DAB1: variants seen among roughly 807,000 people sequenced by gnomAD.
DAB1 encodes DAB adaptor protein 1.
DAB1 carries 15 observed loss-of-function variants against 64.6 expected under a neutral mutation model. The observed-to-expected ratio is 0.23, with a 90% CI of 0.16 to 0.36. DAB1 has a LOEUF of 0.36. Among genes scored for constraint, DAB1 ranks in the 10% least tolerant of loss-of-function variants. The pLI is 1.00. For synonymous variants in DAB1, 235 were observed against 251.9 expected (o/e 0.93, Z 0.64); for missense variants, 596 against 706.7 (o/e 0.84, Z 1.78).
At chr1:57,345,341 C>T (rs1038662031) in intron 1 of DAB1, among the ~76,000 whole-genome samples, 4 of 152,252 alleles carry the variant, frequency 2.6e-5, no homozygotes, top group East Asian at 1.9e-4. Context: ...CATATTTGAT[C>T]CTGAAACTTC....
At chr1:58,447,783 A>T (rs1371563191) in intron 3 of DAB1, among the ~76,000 whole-genome samples, 5 of 151,986 alleles carry the variant, frequency 3.3e-5, no homozygotes, top group Admixed American at 1.3e-4. Flanking sequence ...ACATGGTAAG[A>T]TAGGTATTCT....
intron 4 of DAB1, among the ~76,000 whole-genome samples, chr1:58,320,926 C>G (rs946319525): frequency 3.9e-5 from 6 of 152,188 alleles, no homozygotes; most frequent in African/African-American, 1.2e-4. Context: ...CTCCTCCTCC[C>G]TCTCTCCTGG....
chr1:57,559,577 C>T (rs943329351), intron 7 of DAB1, among the ~76,000 whole-genome samples: 8 of 152,154 alleles, frequency 5.3e-5, no homozygotes, highest in Non-Finnish European at 1.2e-4. Context: ...CATTGTGACC[C>T]TCCAGTTAAA....
Position 58,485,961 on chromosome 1 carries a change from T to C in DAB1, n.257+20099A>G, listed in dbSNP as rs1448049889. Among the ~76,000 whole-genome samples the C allele has an allele frequency of 2.0e-5, 3 of 152,324 alleles. No individual in the cohort carries two copies. The South Asian group carries it at 6.2e-4, about 32-fold the overall frequency. On this transcript the variant is annotated intron_variant and non_coding_transcript_variant, in intron 3 of 20. Coordinates refer to the DAB1 transcript ENST00000485760. ...TATTTTAATAGCAAGAATATATGGT[T>C]CTGAGAATCCTGAGGAAGATTTGAA... is the stretch of plus-strand genomic sequence containing the variant.
At chr1:57,159,639 C>G (rs1660550318) in intron 2 of DAB1, among the ~76,000 whole-genome samples, 1 of 151,778 alleles carries the variant, frequency 6.6e-6, no homozygotes, top group Admixed American at 6.6e-5. Flanking sequence ...ACAGAGTTTC[C>G]AACGCCACCC....
At chr1:58,221,770 C>A (rs889813133) in intron 4 of DAB1, among the ~76,000 whole-genome samples, 2 of 152,192 alleles carry the variant, frequency 1.3e-5, no homozygotes, top group African/African-American at 2.4e-5. Context: ...CAGCTCTGTG[C>A]CAATGATGGC....
intron 3 of DAB1, among the ~76,000 whole-genome samples, chr1:58,406,709 T>TCC (rs747746927): frequency 1.4e-5 from 1 of 72,910 alleles, no homozygotes; most frequent in East Asian, 2.9e-4. Context: ...GATAATATCA[T>TCC]CCCCCCCCCC....
intron 5 of DAB1, among the ~76,000 whole-genome samples, chr1:58,027,139 A>G (rs1357707518): frequency 6.6e-6 from 1 of 152,260 alleles, no homozygotes; most frequent in Admixed American, 6.5e-5. Flanking sequence ...GTTGCCAAAG[A>G]CCATGATGTC....
chr1:57,014,864 T>G lies in DAB1; in HGVS notation c.1444+19A>C, dbSNP rs1054912573. 6.5e-7 allele frequency: 1 copy of G among 1,530,116 alleles called. No individual in the cohort carries two copies. The highest frequency in any genetic ancestry group is 8.8e-7 in the Non-Finnish European group (1 of 1,137,574). The allele number at this position is 1,530,116 out of a possible 1,614,324, so 94.8% of individuals were successfully genotyped here. On this transcript the variant is annotated intron_variant, in intron 12 of 14. Transcript: ENST00000371236. ...TACGGCTCTCATTGGGTTTTATGTC[T>G]TAAGTGAGGGGCACTCACGTGAGTT...
chr1:57,262,986 C>T (rs1012870336), intron 2 of DAB1, among the ~76,000 whole-genome samples: 15 of 152,290 alleles, frequency 9.8e-5, no homozygotes, highest in African/African-American at 3.4e-4. Context: ...GTATAAGGGG[C>T]TATCTTCCCT....
intron 3 of DAB1, among the ~76,000 whole-genome samples, chr1:58,472,989 A>G (rs1010229943): frequency 6.6e-6 from 1 of 152,166 alleles, no homozygotes; most frequent in African/African-American, 2.4e-5. Flanking sequence ...AGGGTGTTCT[A>G]TGGGCAGGTG....
chr1:57,736,177 A>G (rs1647683647), intron 6 of DAB1, among the ~76,000 whole-genome samples: 1 of 152,226 alleles, frequency 6.6e-6, no homozygotes, highest in South Asian at 2.1e-4. Flanking sequence ...GAAAGGAACC[A>G]CATAGAACTG....
chr1:57,785,127 C>T (rs1006007272), intron 6 of DAB1, among the ~76,000 whole-genome samples: 3 of 152,124 alleles, frequency 2.0e-5, no homozygotes, highest in African/African-American at 4.8e-5. Flanking sequence ...GCCTGGATGA[C>T]AGTACATCTG....
rs186687500 is a variant in DAB1, at chr1:57,085,097, C to A, written c.307-12683G>T. 4.9e-4 allele frequency among the ~76,000 whole-genome samples: 75 copies of A among 152,312 alleles called. No individual in the cohort carries two copies. In the South Asian group the frequency reaches 8.5e-3, roughly 17 times the overall value. The stretch of plus-strand genomic sequence containing the variant: ...CAAAATTGATGCAGATTAATAAATT[C>A]TTACCCTCAGTTCTACCATTTGCCT... On this transcript the variant is annotated intron_variant, in intron 4 of 14. Coordinates refer to ENST00000371236, the MANE Select transcript of DAB1 (RefSeq NM_001365792.1).
intron 7 of DAB1, among the ~76,000 whole-genome samples, chr1:57,496,962 C>T (rs528206031): frequency 2.8e-4 from 42 of 152,336 alleles, no homozygotes; most frequent in Non-Finnish European, 4.7e-4. Flanking sequence ...TCTACTGGCA[C>T]GACTTTCCTG....
At chr1:57,856,414 T>C (rs951345509) in intron 1 of DAB1, among the ~76,000 whole-genome samples, 1 of 152,186 alleles carries the variant, frequency 6.6e-6, no homozygotes, top group Non-Finnish European at 1.5e-5. Context: ...ATTTCTAGCA[T>C]CTAGCACTTG....
intron 6 of DAB1, among the ~76,000 whole-genome samples, chr1:57,757,504 C>T (rs1648873011): frequency 6.6e-6 from 1 of 152,048 alleles, no homozygotes. Context: ...TTGGGCATTT[C>T]TTGGCTGATA....
chr1:57,082,740 A>G (rs552351963), intron 4 of DAB1, among the ~76,000 whole-genome samples: 32 of 152,036 alleles, frequency 2.1e-4, no homozygotes, highest in Non-Finnish European at 3.5e-4. Context: ...CATGTGTTCT[A>G]ATTGTTCAGC....
intron 2 of DAB1, among the ~76,000 whole-genome samples, chr1:57,193,622 G>A (rs1487606775): frequency 6.6e-6 from 1 of 152,144 alleles, no homozygotes; most frequent in East Asian, 1.9e-4. Flanking sequence ...TCCTGACCTC[G>A]TGATCCGCCT....
Sources: allele counts gnomAD v4.1 joint callset (sites outside exome capture counted in the v4.1 genomes callset), GRCh38; gene constraint gnomAD v4.1.1; transcripts MANE v1.5; gene names NCBI Gene and HGNC (gene_info 2026-07-23, HGNC 2026-07-21).